Variants in ZNF804B observed in about 807,000 individuals in gnomAD.
ZNF804B encodes zinc finger 804B.
In ZNF804B, 80 loss-of-function variants were observed where a neutral mutation model predicts 101.4. That is an observed-to-expected ratio of 0.79 (90% confidence interval 0.66 to 0.95). The LOEUF is 0.95. Ranked by LOEUF, ZNF804B falls within the 40% of genes least tolerant of loss-of-function variation. The probability of loss-of-function intolerance (pLI) is 0.00; values close to 1 mark genes in which losing one functional copy is unlikely to be tolerated. For synonymous variants in ZNF804B, 622 were observed against 558.8 expected, an observed-to-expected ratio of 1.11 and a Z score of -1.59; for missense variants, 1,673 against 1,561.9, an observed-to-expected ratio of 1.07 and a Z score of -1.20.
At chr7:89,276,925 CCTT>C (rs1789989800) in intron 2 of ZNF804B, among the ~76,000 whole-genome samples, 1 of 151,460 alleles carries the variant, frequency 6.6e-6, no homozygotes, top group South Asian at 2.1e-4. Context: ...TTTTTTCCCT[CCTT>C]CTGAAAAATA....
chr7:89,228,866 G>C (rs1172536393), intron 2 of ZNF804B, among the ~76,000 whole-genome samples: 1 of 152,172 alleles, frequency 6.6e-6, no homozygotes, highest in Non-Finnish European at 1.5e-5. Flanking sequence ...CACGGAGCAG[G>C]TAGGGGGAGG....
intron 1 of ZNF804B, among the ~76,000 whole-genome samples, chr7:88,815,280 G>A (rs1176753995): frequency 6.7e-6 from 1 of 148,522 alleles, no homozygotes; most frequent in African/African-American, 2.5e-5. Context: ...ATATGATTCT[G>A]TAGAAACTCA....
chr7:88,831,837 T>C (rs1475897415), intron 1 of ZNF804B, among the ~76,000 whole-genome samples: 2 of 151,940 alleles, frequency 1.3e-5, no homozygotes, highest in Non-Finnish European at 2.9e-5. Flanking sequence ...ATGAAATATA[T>C]TCACAAGTTT....
chr7:88,881,226 T>A lies in ZNF804B; in HGVS notation c.108+121142T>A, dbSNP rs542641880. The stretch of plus-strand genomic sequence containing the variant: ...AGAATATTTATAAAGCTAATTTTCA[T>A]ACAACTTTATTTTGCCATCCAAATA... On this transcript the variant is annotated intron_variant, in intron 1 of 3. Transcript: ENST00000333190. Among the ~76,000 whole-genome samples, 4 of 152,236 alleles carry A rather than the reference T, an allele frequency of 2.6e-5. No homozygotes were observed. The East Asian group carries it at 7.7e-4, about 29-fold the overall frequency.
chr7:88,924,722 T>C (rs1792770661), intron 1 of ZNF804B, among the ~76,000 whole-genome samples: 1 of 152,158 alleles, frequency 6.6e-6, no homozygotes, highest in South Asian at 2.1e-4. Context: ...TTTGGTGTTA[T>C]TTTTACTCAT....
At chr7:89,224,709 AGTAT>A (rs1301417646) in intron 2 of ZNF804B, among the ~76,000 whole-genome samples, 18 of 84,650 alleles carry the variant, frequency 2.1e-4, no homozygotes, top group Admixed American at 2.9e-4. Context: ...TTTCTGGCAA[AGTAT>A]GTGTGTGTGT....
At chr7:89,298,031 G>A (rs1790410550) in intron 2 of ZNF804B, among the ~76,000 whole-genome samples, 1 of 141,472 alleles carries the variant, frequency 7.1e-6, no homozygotes, top group Non-Finnish European at 1.5e-5. Context: ...GTTAACCTAT[G>A]CCCATATGTC....
At chr7:89,260,112 G>A (rs1349290056) in intron 2 of ZNF804B, among the ~76,000 whole-genome samples, 2 of 152,214 alleles carry the variant, frequency 1.3e-5, no homozygotes, top group African/African-American at 4.8e-5. Context: ...CAAAGCATCA[G>A]TGAAATTAAT....
At chr7:89,015,487 TC>T (rs1274755043) in intron 1 of ZNF804B, among the ~76,000 whole-genome samples, 3 of 149,506 alleles carry the variant, frequency 2.0e-5, no homozygotes, top group East Asian at 2.0e-4. Context: ...CCCTCCCCGC[TC>T]CCCCCACCCC....
At chr7:88,779,611 A>G (rs1790193844) in intron 1 of ZNF804B, among the ~76,000 whole-genome samples, 1 of 124,656 alleles carries the variant, frequency 8.0e-6, no homozygotes, top group Non-Finnish European at 1.6e-5. Context: ...AGACACTGTT[A>G]TCTTTCATTT....
At chr7:88,776,614 T>G (rs537328292) in intron 1 of ZNF804B, among the ~76,000 whole-genome samples, 1 of 150,208 alleles carries the variant, frequency 6.7e-6, no homozygotes, top group Admixed American at 6.7e-5. Flanking sequence ...ACCAGTTGTT[T>G]TCATGAACTT....
intron 1 of ZNF804B, 30 bp downstream of exon 1, chr7:88,760,114 A>T (rs776032842): frequency 6.4e-7 from 1 of 1,563,296 alleles, no homozygotes; most frequent in East Asian, 2.2e-5. Context: ...ACATACATAC[A>T]CAAACGTTCC....
At chr7:88,865,201 C>T (rs1791708161) in intron 1 of ZNF804B, among the ~76,000 whole-genome samples, 1 of 145,162 alleles carries the variant, frequency 6.9e-6, no homozygotes, top group South Asian at 2.2e-4. Flanking sequence ...GCACTCCAGC[C>T]TGAGCAACAA....
chr7:89,053,434 T>C (rs566207031), intron 1 of ZNF804B, among the ~76,000 whole-genome samples: 2 of 152,232 alleles, frequency 1.3e-5, no homozygotes, highest in South Asian at 4.1e-4. Flanking sequence ...AAAGTAGACT[T>C]GTGTGAATTT....
chr7:88,895,656 G>A (rs1792273652), intron 1 of ZNF804B, among the ~76,000 whole-genome samples: 1 of 152,118 alleles, frequency 6.6e-6, no homozygotes, highest in Non-Finnish European at 1.5e-5. Flanking sequence ...TACACAAGAT[G>A]AGACTATCCT....
chr7:88,925,319 G>C (rs141584331), intron 1 of ZNF804B, among the ~76,000 whole-genome samples: 1 of 152,174 alleles, frequency 6.6e-6, no homozygotes, highest in African/African-American at 2.4e-5. Flanking sequence ...GCAGAATCTT[G>C]TTCCCCCAAA....
At chr7:88,774,202 G>GT (rs11349793) in intron 1 of ZNF804B, among the ~76,000 whole-genome samples, 1,454 of 134,364 alleles carry the variant, frequency 0.011, 9 homozygotes, top group Admixed American at 0.018. Context: ...TGTTTTTTAA[G>GT]TTTTTTTTTT....
intron 2 of ZNF804B, among the ~76,000 whole-genome samples, chr7:89,240,403 G>GT (rs1554382831): frequency 0.012 from 1,759 of 151,282 alleles, 51 homozygotes; most frequent in East Asian, 0.1. Flanking sequence ...TGAGGTGAAA[G>GT]TTTTTTTTTC....
intron 1 of ZNF804B, among the ~76,000 whole-genome samples, chr7:89,017,738 T>C (rs1371480272): frequency 1.3e-5 from 2 of 152,196 alleles, no homozygotes; most frequent in African/African-American, 4.8e-5. Flanking sequence ...TTGATCACCT[T>C]CTTGGTTAAA....
Sources: allele counts gnomAD v4.1 joint callset (sites outside exome capture counted in the v4.1 genomes callset), GRCh38; gene constraint gnomAD v4.1.1; transcripts MANE v1.5; gene names NCBI Gene and HGNC (gene_info 2026-07-23, HGNC 2026-07-21).